CGN: variants seen among roughly 807,000 people sequenced by gnomAD.
CGN encodes cingulin.
A neutral mutation model predicts 157.1 loss-of-function variants in CGN; 121 were observed. The observed-to-expected ratio is 0.77, with a 90% CI of 0.66 to 0.90. CGN has a LOEUF of 0.90. Ranked by LOEUF, CGN falls within the 40% of genes least tolerant of loss-of-function variation. The pLI is 0.00. For synonymous variants in CGN, 535 were observed against 607.5 expected (o/e 0.88, Z 1.76); for missense variants, 1,424 against 1,520.9 (o/e 0.94, Z 1.06).
chr1:151,518,332 C>T (rs957072478), intron 1 of CGN, among the ~76,000 whole-genome samples, 174 bp from the exon 2 acceptor site: 1 of 152,098 alleles, frequency 6.6e-6, no homozygotes, highest in Non-Finnish European at 1.5e-5. Context: ...GAATCAGAAG[C>T]TCTGGAGGTT....
At chr1:151,535,711 G>A in intron 17 of CGN, 28 bp downstream of exon 17, 1 of 1,610,368 alleles carries the variant, frequency 6.2e-7, no homozygotes, top group Non-Finnish European at 8.5e-7. Context: ...GATTCTTAGG[G>A]ATGGACCCCA....
rs775685257 is a variant in CGN, at chr1:151,536,392, A to T, written c.3306+47A>T. ...GCCAAGCAACCTGGGGCAGGTATAT[A>T]TTATATGTTTTCCTGAAAGCCAAGG... On this transcript the variant is annotated intron_variant, in intron 19 of 20. Transcript: ENST00000271636. The T allele has an allele frequency of 5.5e-6, 6 of 1,093,558 alleles. No homozygotes were observed. The East Asian group carries it at 1.2e-4, about 21-fold the overall frequency. 67.7% of individuals were successfully genotyped at this position (1,093,558 alleles called of 1,614,324 possible).
Position 151,515,776 on chromosome 1 carries a change from G to A in CGN, c.-14-2730G>A, listed in dbSNP as rs374716967. On this transcript the variant is annotated intron_variant, in intron 1 of 20. Transcript: ENST00000271636. ...AGGCGTGAGCCACCACACCAGAAAA[G>A]TTGTGATTTGCCTCAGGTTGCATAC... Among the ~76,000 whole-genome samples, 5 of 152,178 alleles carry A rather than the reference G, an allele frequency of 3.3e-5. No homozygotes were observed. In the East Asian group the frequency reaches 9.6e-4, roughly 29 times the overall value.
At chr1:151,532,287 AGCAAGAGAGG>A in intron 13 of CGN, 105 bp from the exon 14 acceptor site, 1 of 724,568 alleles carries the variant, frequency 1.4e-6, no homozygotes, top group Non-Finnish European at 2.1e-6. Context: ...CCCAGGAAAG[AGCAAGAGAGG>A]GCTGCCTTGT....
intron 13 of CGN, 139 bp from the exon 14 acceptor site, chr1:151,532,263 A>C: frequency 1.9e-6 from 1 of 538,844 alleles, no homozygotes; most frequent in Non-Finnish European, 3.1e-6. Flanking sequence ...TATTAGCTAT[A>C]CTAGGAACCT....
At chr1:151,521,005 A>G (rs939444764) in intron 5 of CGN, among the ~76,000 whole-genome samples, 1 of 152,028 alleles carries the variant, frequency 6.6e-6, no homozygotes, top group Non-Finnish European at 1.5e-5. Flanking sequence ...ATTTTTTTTT[A>G]TCATTATCAT....
chr1:151,530,683 CA>C lies in CGN; in HGVS notation c.2510del (p.Lys837ArgfsTer18). Reference sequence around the variant, plus strand: ...AGCAGCGGGAGGTGCTCCGGCGAGGCAAGGCTGAGCTGGAGGAGCAGAAGCG... The same window carrying C: ...AGCAGCGGGAGGTGCTCCGGCGAGGCAGGCTGAGCTGGAGGAGCAGAAGCG... ...GKQREVLRRG[K>X]AELEEQKRLL... is the part of the protein sequence containing the mutation. On this transcript the variant is annotated frameshift_variant, in exon 13 of 21. Coordinates refer to ENST00000271636, the MANE Select transcript of CGN (RefSeq NM_020770.3). LOFTEE classifies it high-confidence loss of function. 1 of 1,561,480 alleles carries C rather than the reference CA, an allele frequency of 6.4e-7. No individual in the cohort carries two copies. The highest frequency in any genetic ancestry group is 8.7e-7 in the Non-Finnish European group (1 of 1,152,138).
At chr1:151,512,952 C>T (rs1041673724) in intron 1 of CGN, among the ~76,000 whole-genome samples, 8 of 152,084 alleles carry the variant, frequency 5.3e-5, no homozygotes, top group Non-Finnish European at 7.4e-5. Flanking sequence ...CAGGGAGGGG[C>T]GGACTGAGGA....
In CGN at chr1:151,536,757, C is replaced by T. The variant is rs1664977500; in HGVS notation, c.3334C>T (p.Arg1112Cys). 13 of 1,613,930 alleles carry T rather than the reference C, an allele frequency of 8.1e-6. No individual in the cohort carries two copies. The highest frequency in any genetic ancestry group is 2.2e-5 in the South Asian group (2 of 91,084). Residue 1112 changes from arginine (R) to cysteine (C), a missense_variant, in exon 20 of 21, where the codon CGT (arginine) becomes TGT (cysteine). Coordinates refer to ENST00000271636, the MANE Select transcript of CGN (RefSeq NM_020770.3). ...AAGCCTGAGGGTGAAGGCTTTGAAG[C>T]GTCAGGTGGATGAAGCAGAAGAGGA... ...QLSLRVKALK[R>C]QVDEAEEEIE... is the part of the protein sequence containing the mutation.
Position 151,524,458 on chromosome 1 carries a change from G to A in CGN, c.1401+100G>A. The A allele has an allele frequency of 1.3e-6, 2 of 1,537,686 alleles. No homozygotes were observed. The highest frequency in any genetic ancestry group is 1.2e-5 in the South Asian group (1 of 84,362). ...TTTCCCCAAAGTATGAGGAGTGGGT[G>A]GCTGATTACAGGTACTCAGTGTGCT... is the stretch of plus-strand genomic sequence containing the variant. On this transcript the variant is annotated intron_variant, in intron 7 of 20. Coordinates refer to ENST00000271636, the MANE Select transcript of CGN (RefSeq NM_020770.3). This position sits in a 1 kb window ranked among gnomAD's most constrained non-coding sequence, Gnocchi z 4.4.
Position 151,532,419 on chromosome 1 carries a change from G to C in CGN, c.2589G>C (p.Glu863Asp). ...RLNKELEKIG[E>D]DSKQALQQLQ... ...TGTTTCAGTTGGAGAAGATCGGGGA[G>C]GACTCTAAGCAAGCCCTGCAGCAGC... The change falls in exon 14 of 21, where the codon GAG (glutamate) becomes GAC (aspartate). Residue 863 changes from glutamate (E) to aspartate (D), a missense_variant. Around this residue, in one of 3 missense-constraint regions of CGN, gnomAD observed 1,187 missense variants for 1,217.6 expected, o/e 0.97. Transcript: ENST00000271636. 6.3e-7 allele frequency: 1 copy of C among 1,575,988 alleles called. No homozygotes were observed. Among genetic ancestry groups the C allele is most frequent in the African/African-American group, 1.4e-5 (1 of 72,882 alleles).
rs1160890519 is a variant in CGN, at chr1:151,537,433, C to T, written c.*87C>T. Reference sequence around the variant, plus strand: ...CTCTGCCCACCCTGGGTTCTGCATTCCTATGGGTGACCCAATTATTCAGAC... The same window carrying T: ...CTCTGCCCACCCTGGGTTCTGCATTTCTATGGGTGACCCAATTATTCAGAC... On this transcript the variant is annotated 3_prime_UTR_variant, in exon 21 of 21. Transcript: ENST00000271636. 8.1e-7 allele frequency: 1 copy of T among 1,235,804 alleles called. No individual in the cohort carries two copies. Among genetic ancestry groups the T allele is most frequent in the Non-Finnish European group, 1.1e-6 (1 of 888,564 alleles). The allele number at this position is 1,235,804 out of a possible 1,614,324, so 76.6% of individuals were successfully genotyped here. A position where few individuals can be genotyped will look rare whatever the true frequency, so the allele number is the denominator to read the frequency against.
chr1:151,521,693 C>T (rs533761095), intron 5 of CGN, among the ~76,000 whole-genome samples: 21 of 152,082 alleles, frequency 1.4e-4, no homozygotes, highest in Admixed American at 1.4e-3. Context: ...ACAAAATTAG[C>T]CTGGTATGGT....
At chr1:151,533,664 C>G (rs1020584945) in intron 14 of CGN, among the ~76,000 whole-genome samples, 11 of 151,626 alleles carry the variant, frequency 7.3e-5, no homozygotes, top group African/African-American at 2.7e-4. Flanking sequence ...CGTGGTGGCA[C>G]ATGCCTGTAG....
intron 15 of CGN, chr1:151,534,533 AG>A (rs1380425131): frequency 4.0e-6 from 1 of 249,838 alleles, no homozygotes; most frequent in Non-Finnish European, 7.8e-6. Context: ...TCTGTGGGGT[AG>A]GTAGTCTTGT....
chr1:151,514,122 T>C (rs192286237), intron 1 of CGN, among the ~76,000 whole-genome samples: 3 of 152,354 alleles, frequency 2.0e-5, no homozygotes, highest in Admixed American at 2.0e-4. Context: ...CCCTGCTTTC[T>C]GACCCACCCC....
At position 151,531,149 on chromosome 1, in the gene CGN, A is replaced by G. The variant is rs551875742; in HGVS notation, c.2571+403A>G. The stretch of plus-strand genomic sequence containing the variant: ...GAGCAAGACTCTGTCTTAAGAAAAA[A>G]AAAAAAAGAATGTGTGATGTTTGCT... On this transcript the variant is annotated intron_variant, in intron 13 of 20. Coordinates refer to ENST00000271636, the MANE Select transcript of CGN (RefSeq NM_020770.3). 2.0e-4 allele frequency among the ~76,000 whole-genome samples: 31 copies of G among 152,184 alleles called. No individual in the cohort carries two copies. The South Asian group carries it at 6.2e-3, about 31-fold the overall frequency.
In CGN at chr1:151,536,096, A is replaced by G. The variant is rs1453584310; in HGVS notation, c.3198-141A>G. 5.5e-6 allele frequency: 4 copies of G among 725,936 alleles called. No homozygotes were observed. In the South Asian group the frequency reaches 6.6e-5, roughly 12 times the overall value. The allele number at this position is 725,936 out of a possible 1,614,324, so 45.0% of individuals were successfully genotyped here. On this transcript the variant is annotated intron_variant, in intron 18 of 20. Coordinates refer to ENST00000271636, the MANE Select transcript of CGN (RefSeq NM_020770.3). ...AATGTGAATGACGTCACTCTCCCTC[A>G]TTCTTTGAATCTGCCCTGGATCCTG...
At position 151,525,630 on chromosome 1, in the gene CGN, C is replaced by T. The variant is rs1203143612; in HGVS notation, c.1615-12C>T. On this transcript the variant is annotated splice_polypyrimidine_tract_variant and intron_variant, in intron 8 of 20. Coordinates refer to ENST00000271636, the MANE Select transcript of CGN (RefSeq NM_020770.3). ...TCTGAGCCTTCTGGTGTCCAACTCT[C>T]CCCTTCTCTAGGACCATGCAGTGCT... is the stretch of plus-strand genomic sequence containing the variant. 6.4e-7 allele frequency: 1 copy of T among 1,559,352 alleles called. No individual in the cohort carries two copies. Among genetic ancestry groups the T allele is most frequent in the East Asian group, 2.4e-5 (1 of 41,656 alleles).
Sources: gnomAD v4.1 joint callset for allele counts (sites outside exome capture counted in the v4.1 genomes callset) on GRCh38, gnomAD v4.1.1 for gene constraint, gnomAD v4.1.1 regional missense constraint, Gnocchi (gnomAD v3.1) non-coding constraint, MANE v1.5 for transcripts, NCBI Gene and HGNC (gene_info 2026-07-23, HGNC 2026-07-21) for gene names.